UBXN8: variants seen among roughly 807,000 people sequenced by gnomAD.
The protein encoded by UBXN8 is UBX domain-containing protein 8.
A neutral mutation model predicts 32.1 loss-of-function variants in UBXN8; 27 were observed. The ratio of observed to expected loss-of-function variants is 0.84; its 90% CI spans 0.62 to 1.16. The LOEUF is 1.16. Among genes scored for constraint, UBXN8 ranks in the 50% most tolerant of loss-of-function variants. The pLI is 0.00. For synonymous variants in UBXN8, 109 were observed against 111.8 expected, an observed-to-expected ratio of 0.98 and a Z score of 0.16; for missense variants, 306 against 311.4, an observed-to-expected ratio of 0.98 and a Z score of 0.13.
At chr8:30,744,593 G>T in intron 1 of UBXN8, 1 of 471,482 alleles carries the variant, frequency 2.1e-6, no homozygotes, top group South Asian at 4.8e-5. Context: ...TGAGAATTTA[G>T]GCTGAGAAGT....
At chr8:30,761,819 A>G (rs1407814318) in intron 6 of UBXN8, among the ~76,000 whole-genome samples, 1 of 152,088 alleles carries the variant, frequency 6.6e-6, no homozygotes, top group Non-Finnish European at 1.5e-5. Flanking sequence ...GTTTTAATTT[A>G]GGGGTGGTTT....
At chr8:30,733,483 T>C (rs865845985) in intron 1 of UBXN8, among the ~76,000 whole-genome samples, 10 of 152,206 alleles carry the variant, frequency 6.6e-5, no homozygotes, top group African/African-American at 2.2e-4. Context: ...GTGGCAGTTA[T>C]ACATTGCAGA....
chr8:30,739,811 T>C (rs1805157627), upstream of UBXN8, among the ~76,000 whole-genome samples: 1 of 152,162 alleles, frequency 6.6e-6, no homozygotes, highest in South Asian at 2.1e-4. Flanking sequence ...ATCCAAAGAG[T>C]ACATTTTGTA....
intron 4 of UBXN8, among the ~76,000 whole-genome samples, chr8:30,755,870 CTCAAG>C (rs1805646099): frequency 1.3e-5 from 2 of 151,404 alleles, no homozygotes; most frequent in East Asian, 1.9e-4. Flanking sequence ...CTGATCTTTC[CTCAAG>C]TCAAGATCTC....
intron 5 of UBXN8, among the ~76,000 whole-genome samples, chr8:30,757,412 C>T (rs914633992): frequency 3.3e-5 from 5 of 151,624 alleles, no homozygotes; most frequent in Admixed American, 1.3e-4. Flanking sequence ...ATTAGCTGGG[C>T]GTGGTGGCAG....
intron 1 of UBXN8, among the ~76,000 whole-genome samples, chr8:30,750,568 C>G (rs1057281320): frequency 6.6e-4 from 100 of 151,728 alleles, no homozygotes; most frequent in African/African-American, 2.1e-3. Context: ...GTCAGGAGAT[C>G]GGGACCATCC....
intron 1 of UBXN8, among the ~76,000 whole-genome samples, chr8:30,738,654 CAAAA>C (rs536271863): frequency 2.9e-3 from 219 of 75,348 alleles, no homozygotes; most frequent in African/African-American, 8.0e-3. Context: ...GCCTCCGTCT[CAAAA>C]AAAAAAAAAA....
At chr8:30,737,482 G>A (rs1563554874) in intron 1 of UBXN8, among the ~76,000 whole-genome samples, 2 of 152,148 alleles carry the variant, frequency 1.3e-5, no homozygotes, top group Non-Finnish European at 2.9e-5. Flanking sequence ...TCCATGGTGT[G>A]CAAGAATCTT....
At chr8:30,750,329 G>A (rs553099075) in intron 1 of UBXN8, among the ~76,000 whole-genome samples, 5 of 152,130 alleles carry the variant, frequency 3.3e-5, no homozygotes, top group Admixed American at 2.0e-4. Context: ...GAAATTAGCC[G>A]GGTGTGGTGG....
intron 7 of UBXN8, among the ~76,000 whole-genome samples, chr8:30,763,919 A>G (rs1417869162): frequency 6.6e-6 from 1 of 152,086 alleles, no homozygotes; most frequent in Non-Finnish European, 1.5e-5. Context: ...TGAACCTGGG[A>G]GGCAGAGGTT....
At chr8:30,761,951 A>G (rs1273031831) in intron 6 of UBXN8, among the ~76,000 whole-genome samples, 4 of 151,960 alleles carry the variant, frequency 2.6e-5, no homozygotes, top group Non-Finnish European at 5.9e-5. Context: ...ACACTTCCTA[A>G]TGTATGGGGA....
Position 30,751,407 on chromosome 8 carries a change from T to C in UBXN8, c.100T>C (p.Phe34Leu), listed in dbSNP as rs1805519014. Residue 34 changes from phenylalanine to leucine, a missense_variant, in exon 2 of 8, where the codon TTT (phenylalanine) becomes CTT (leucine). Physicochemically the swap from Phe to Leu is conservative, Grantham distance 22 (BLOSUM62 0). Coordinates refer to ENST00000265616, the MANE Select transcript of UBXN8 (RefSeq NM_005671.4). ...TTTTCCTTTATCAGGAATCAAGGATTTTCTTTTGCTTTGTGGCCGGATTTT... is the reference window on the plus strand; with the variant it reads ...TTTTCCTTTATCAGGAATCAAGGATCTTCTTTTGCTTTGTGGCCGGATTTT... Reference protein sequence around the residue: ...RGIPDIGIKDFLLLCGRILLL... With the variant: ...RGIPDIGIKDLLLLCGRILLL... 2 of 1,584,602 alleles carry C rather than the reference T, an allele frequency of 1.3e-6. No individual in the cohort carries two copies. The highest frequency in any genetic ancestry group is 2.7e-5 in the African/African-American group (2 of 74,392).
chr8:30,740,764 A>G (rs940699287), upstream of UBXN8, among the ~76,000 whole-genome samples: 1 of 151,866 alleles, frequency 6.6e-6, no homozygotes, highest in African/African-American at 2.4e-5. Context: ...CTTAACAATC[A>G]CCAATGAGAA....
At chr8:30,737,967 A>G (rs1174316600) in intron 1 of UBXN8, among the ~76,000 whole-genome samples, 1 of 152,198 alleles carries the variant, frequency 6.6e-6, no homozygotes, top group East Asian at 1.9e-4. Flanking sequence ...CTTTTAGAAG[A>G]AAATATAGAG....
At chr8:30,764,888 A>G (rs1805957818) in intron 7 of UBXN8, among the ~76,000 whole-genome samples, 1 of 152,052 alleles carries the variant, frequency 6.6e-6, no homozygotes, top group Non-Finnish European at 1.5e-5. Context: ...TGTCTCTACT[A>G]AAAATACAAA....
At chr8:30,764,861 C>G (rs1449513936) in intron 7 of UBXN8, among the ~76,000 whole-genome samples, 1 of 152,044 alleles carries the variant, frequency 6.6e-6, no homozygotes, top group African/African-American at 2.4e-5. Flanking sequence ...ACCATCCTGG[C>G]CAACATGGTG....
intron 1 of UBXN8, chr8:30,734,015 T>G (rs1012547486): frequency 2.6e-5 from 4 of 152,240 alleles, no homozygotes; most frequent in African/African-American, 9.6e-5. Flanking sequence ...AACTACCAAC[T>G]GCACAACAAA....
upstream of UBXN8, among the ~76,000 whole-genome samples, chr8:30,730,925 G>A (rs184975237): frequency 1.5e-3 from 228 of 152,340 alleles, no homozygotes; most frequent in Non-Finnish European, 2.8e-3. Flanking sequence ...GCAGTAAGCC[G>A]TAAGGAAAAC....
chr8:30,762,489 T>C (rs543177034), intron 6 of UBXN8, among the ~76,000 whole-genome samples: 61 of 152,166 alleles, frequency 4.0e-4, no homozygotes, highest in South Asian at 2.7e-3. Flanking sequence ...TGCTTCCGGG[T>C]TCAAGCCATT....
Sources: gnomAD v4.1 joint callset for allele counts (sites outside exome capture counted in the v4.1 genomes callset) on GRCh38, gnomAD v4.1.1 for gene constraint, MANE v1.5 for transcripts, NCBI Gene and HGNC (gene_info 2026-07-23, HGNC 2026-07-21) for gene names.